Variants in AK9 observed in about 807,000 individuals in gnomAD.
AK9 encodes the protein adenylate kinase domain containing 1.
In AK9, 191 loss-of-function variants were observed where a neutral mutation model predicts 239.6. The ratio of observed to expected loss-of-function variants is 0.80; its 90% CI spans 0.71 to 0.90. The LOEUF (loss-of-function observed/expected upper bound fraction) is 0.90, where lower values mean the gene tolerates loss of function less well. Among genes scored for constraint, AK9 ranks in the 40% least tolerant of loss-of-function variants. AK9 has a pLI of 0.00. For missense variants in AK9, 1,995 were observed against 2,214.7 expected, an observed-to-expected ratio of 0.90 and a Z score of 1.99; for synonymous variants, 689 against 721.0, an observed-to-expected ratio of 0.96 and a Z score of 0.71.
intron 8 of AK9, among the ~76,000 whole-genome samples, chr6:109,646,686 C>T (rs1266399717): frequency 6.6e-6 from 1 of 152,186 alleles, no homozygotes; most frequent in Non-Finnish European, 1.5e-5. Flanking sequence ...TCCAGGAAAA[C>T]TTCCCCAACC....
chr6:109,547,820 T>C (rs551353079), intron 25 of AK9, among the ~76,000 whole-genome samples: 5 of 113,846 alleles, frequency 4.4e-5, no homozygotes, highest in African/African-American at 2.0e-4. Context: ...AACCAGAATA[T>C]ATAAAGAACT....
chr6:109,552,171 C>A (rs146248691), intron 24 of AK9, among the ~76,000 whole-genome samples: 6 of 151,956 alleles, frequency 3.9e-5, no homozygotes, highest in Non-Finnish European at 8.8e-5. Flanking sequence ...GTAAATAGTG[C>A]GACAATAAAC....
chr6:109,630,196 C>T lies in AK9; in HGVS notation c.1254+2727G>A, dbSNP rs78504520. 3.2e-4 allele frequency among the ~76,000 whole-genome samples: 48 copies of T among 151,974 alleles called. No homozygotes were observed. The East Asian group carries it at 9.1e-3, about 29-fold the overall frequency. On this transcript the variant is annotated intron_variant, in intron 12 of 40. Transcript: ENST00000424296. ...TATTACCTAGGATAGCATCAAAACC[C>T]ATCAAATACCCAGAGGTCTGTGCAA... is the stretch of plus-strand genomic sequence containing the variant.
In AK9 at chr6:109,533,244, T is replaced by C; in HGVS notation, c.3570+7A>G. 1.3e-6 allele frequency: 2 copies of C among 1,598,588 alleles called. No homozygotes were observed. Among genetic ancestry groups the C allele is most frequent in the Non-Finnish European group, 1.7e-6 (2 of 1,171,684 alleles). On this transcript the variant is annotated splice_region_variant and intron_variant, in intron 28 of 40. Coordinates refer to ENST00000424296, the MANE Select transcript of AK9 (RefSeq NM_001145128.3). The stretch of plus-strand genomic sequence containing the variant: ...ATTTATTCAATGCATTTTTGCTAGA[T>C]ACATACCCTGATTTTTGCCTTCATG...
At chr6:109,595,092 A>T (rs1224670868) in intron 17 of AK9, among the ~76,000 whole-genome samples, 1 of 152,192 alleles carries the variant, frequency 6.6e-6, no homozygotes, top group East Asian at 1.9e-4. Flanking sequence ...ATGGGAGAAA[A>T]TTTTTGCAAT....
chr6:109,533,705 A>C (rs1370155235), intron 27 of AK9, among the ~76,000 whole-genome samples: 1 of 152,094 alleles, frequency 6.6e-6, no homozygotes, highest in African/African-American at 2.4e-5. Flanking sequence ...TTACTCTTTT[A>C]TTTCTTTTAA....
intron 12 of AK9, among the ~76,000 whole-genome samples, chr6:109,627,073 G>A (rs1795608974): frequency 1.4e-5 from 2 of 146,006 alleles, no homozygotes; most frequent in South Asian, 4.5e-4. Flanking sequence ...TCATTGTACA[G>A]ATGTACAAAA....
At chr6:109,601,204 G>C (rs1791904402) in intron 17 of AK9, among the ~76,000 whole-genome samples, 1 of 152,132 alleles carries the variant, frequency 6.6e-6, no homozygotes, top group Non-Finnish European at 1.5e-5. Context: ...GCTTTCTCTT[G>C]TGGGCATTTA....
At chr6:109,609,991 G>T (rs1434163235) in intron 17 of AK9, among the ~76,000 whole-genome samples, 1 of 151,852 alleles carries the variant, frequency 6.6e-6, no homozygotes, top group Non-Finnish European at 1.5e-5. Context: ...ATTAACCAGG[G>T]GTCAAAATTT....
At chr6:109,556,050 A>T (rs4946986) in intron 24 of AK9, among the ~76,000 whole-genome samples, 88,526 of 152,008 alleles carry the variant, frequency 0.58, 27,472 homozygotes, top group East Asian at 0.84. Flanking sequence ...TCCTGTCATC[A>T]TGATGCTATT....
At chr6:109,658,293 C>A (rs900776404) in intron 7 of AK9, among the ~76,000 whole-genome samples, 1 of 152,164 alleles carries the variant, frequency 6.6e-6, no homozygotes, top group Non-Finnish European at 1.5e-5. Context: ...AGCACACTGG[C>A]GTTCATTCAT....
chr6:109,660,911 T>G (rs538457041), intron 6 of AK9: 1 of 498,234 alleles, frequency 2.0e-6, no homozygotes, highest in Non-Finnish European at 4.0e-6. Context: ...CTCTAGTAGA[T>G]TGCTAGCCTT....
intron 12 of AK9, among the ~76,000 whole-genome samples, chr6:109,622,598 G>A: frequency 6.9e-6 from 1 of 145,588 alleles, no homozygotes; most frequent in South Asian, 2.1e-4. Context: ...TGCTATATAT[G>A]TATATATGTG....
rs1169750993 is a variant in AK9 at position 109,493,286 on chromosome 6, C to T, written c.*83G>A. 9.1e-6 allele frequency: 13 copies of T among 1,433,320 alleles called. No individual in the cohort carries two copies. In the African/African-American group the frequency reaches 1.7e-4, roughly 19 times the overall value. The allele number at this position is 1,433,320 out of a possible 1,614,324, so 88.8% of individuals were successfully genotyped here. On this transcript the variant is annotated 3_prime_UTR_variant, in exon 41 of 41. Coordinates refer to ENST00000424296, the MANE Select transcript of AK9 (RefSeq NM_001145128.3). ...GAGGCAAAAGTACTTCCAAGAGGCC[C>T]AGATTTTCAATCTACTTCTCTCAGT...
At chr6:109,591,212 C>A (rs1393171828) in intron 17 of AK9, among the ~76,000 whole-genome samples, 1 of 152,048 alleles carries the variant, frequency 6.6e-6, no homozygotes, top group Non-Finnish European at 1.5e-5. Flanking sequence ...GTATTCGATG[C>A]ATATATATTT....
At chr6:109,691,087 T>C (rs1435050500) in intron 1 of AK9, 60 bp downstream of exon 1, 7 of 395,006 alleles carry the variant, frequency 1.8e-5, no homozygotes, top group African/African-American at 6.0e-5. Context: ...AGGGAGGAGA[T>C]AAATAGACTC....
intron 5 of AK9, among the ~76,000 whole-genome samples, chr6:109,663,802 T>C (rs938651099): frequency 1.3e-5 from 2 of 152,206 alleles, no homozygotes; most frequent in African/African-American, 4.8e-5. Flanking sequence ...CAGTTTCAGA[T>C]TCCACAATGC....
chr6:109,577,200 G>A (rs140002948), intron 20 of AK9, among the ~76,000 whole-genome samples: 10 of 152,028 alleles, frequency 6.6e-5, no homozygotes, highest in African/African-American at 2.2e-4. Context: ...AATCATAAAG[G>A]GGTGCTGGAT....
chr6:109,550,076 GAAT>G lies in AK9; in HGVS notation c.2964+11_2964+13del. 3.7e-6 allele frequency: 6 copies of G among 1,611,862 alleles called. No homozygotes were observed. Among genetic ancestry groups the G allele is most frequent in the Non-Finnish European group, 5.1e-6 (6 of 1,179,172 alleles). On this transcript the variant is annotated intron_variant, in intron 25 of 40. Coordinates refer to ENST00000424296, the MANE Select transcript of AK9 (RefSeq NM_001145128.3). ...CCTGTGGGAGCAATCATTAAGATAG[GAAT>G]ACTGTCTCACCTTCAATGGTTCTTC...
Sources: allele counts gnomAD v4.1 joint callset (sites outside exome capture counted in the v4.1 genomes callset), GRCh38; gene constraint gnomAD v4.1.1; transcripts MANE v1.5; gene names NCBI Gene and HGNC (gene_info 2026-07-23, HGNC 2026-07-21).